Variants in CAMTA1 observed in about 807,000 individuals in gnomAD.
The protein encoded by CAMTA1 is calmodulin binding transcription activator 1.
A neutral mutation model predicts 170.9 loss-of-function variants in CAMTA1; 27 were observed. That is an observed-to-expected ratio of 0.16 (90% CI 0.12 to 0.22). CAMTA1 has a LOEUF of 0.22. Ranked by LOEUF, CAMTA1 falls within the 10% of genes least tolerant of loss-of-function variation. The probability of loss-of-function intolerance (pLI) is 1.00; values close to 1 mark genes in which losing one functional copy is unlikely to be tolerated. For missense variants in CAMTA1, 1,619 were observed against 2,217.2 expected (o/e 0.73, Z 5.42); for synonymous variants, 833 against 891.5 (o/e 0.93, Z 1.17).
chr1:6,990,834 T>G (rs927729337), intron 3 of CAMTA1, among the ~76,000 whole-genome samples: 3 of 151,470 alleles, frequency 2.0e-5, no homozygotes, highest in African/African-American at 7.3e-5. Flanking sequence ...TATATATATG[T>G]GTGTGTGTGT....
chr1:7,394,053 G>C (rs968481733), intron 5 of CAMTA1, among the ~76,000 whole-genome samples: 1 of 152,162 alleles, frequency 6.6e-6, no homozygotes, highest in African/African-American at 2.4e-5. Context: ...TGACTGAAGA[G>C]TATTCCATTG....
chr1:7,569,824 CATTATT>C (rs1253624154), intron 6 of CAMTA1, among the ~76,000 whole-genome samples: 1 of 152,092 alleles, frequency 6.6e-6, no homozygotes, highest in Non-Finnish European at 1.5e-5. Context: ...CAATCACCAT[CATTATT>C]ATTACTGTAC....
chr1:7,077,985 T>C (rs1448559841), intron 3 of CAMTA1, among the ~76,000 whole-genome samples: 2 of 145,554 alleles, frequency 1.4e-5, no homozygotes, highest in African/African-American at 5.2e-5. Flanking sequence ...GGGAAGAGCT[T>C]GCGTGCACAC....
chr1:7,476,452 G>A (rs574273657), intron 6 of CAMTA1, among the ~76,000 whole-genome samples: 15 of 152,296 alleles, frequency 9.8e-5, no homozygotes, highest in African/African-American at 3.6e-4. Flanking sequence ...GGAAGAAATG[G>A]GGAGGGGGTG....
intron 3 of CAMTA1, among the ~76,000 whole-genome samples, chr1:6,929,506 G>A (rs7354946): frequency 3.9e-5 from 6 of 152,216 alleles, no homozygotes; most frequent in African/African-American, 7.2e-5. Flanking sequence ...TGGGACTACA[G>A]GCGCCCGCCA....
intron 5 of CAMTA1, among the ~76,000 whole-genome samples, chr1:7,336,359 C>T (rs2083384242): frequency 6.6e-6 from 1 of 152,224 alleles, no homozygotes; most frequent in Admixed American, 6.5e-5. Flanking sequence ...GCCATGGATT[C>T]CTGGCTTGGA....
At chr1:6,848,488 T>G (rs996664856) in intron 3 of CAMTA1, among the ~76,000 whole-genome samples, 2 of 152,202 alleles carry the variant, frequency 1.3e-5, no homozygotes, top group Non-Finnish European at 2.9e-5. Flanking sequence ...ATGAGCAGAT[T>G]TTTATTTTAT....
chr1:7,195,145 C>A lies in CAMTA1; in HGVS notation c.303-54346C>A, dbSNP rs1016108871. On this transcript the variant is annotated intron_variant, in intron 4 of 22. Transcript: ENST00000303635. The surrounding 1 kb of genome is among the most constrained non-coding windows in gnomAD (Gnocchi z 4.1). ...CCAACTAACCCAGCCCAGCAGCAGG[C>A]GAGGTTTTCTGTCGTCCAGCACGTG... Among the ~76,000 whole-genome samples, 1 of 152,262 alleles carries A rather than the reference C, an allele frequency of 6.6e-6. No homozygotes were observed. The highest frequency in any genetic ancestry group is 2.4e-5 in the African/African-American group (1 of 41,564).
At chr1:7,303,385 C>T (rs1675084411) in intron 5 of CAMTA1, among the ~76,000 whole-genome samples, 1 of 151,920 alleles carries the variant, frequency 6.6e-6, no homozygotes, top group Admixed American at 6.6e-5. Context: ...ATAAAAAGTC[C>T]CCCCTAAATC....
Position 7,696,638 on chromosome 1 carries a change from G to A in CAMTA1, c.2914+18905G>A, listed in dbSNP as rs114519639. On this transcript the variant is annotated intron_variant, in intron 11 of 22. Coordinates refer to ENST00000303635, the MANE Select transcript of CAMTA1 (RefSeq NM_015215.4). The stretch of plus-strand genomic sequence containing the variant: ...GACTCTACTGGGCTGTAGGGTACAC[G>A]GCATCCTCTTTGAAGGCTCAGTGGG... 8.6e-3 allele frequency among the ~76,000 whole-genome samples: 1,314 copies of A among 152,066 alleles called. 18 individuals are homozygous for A. The highest frequency in any genetic ancestry group is 0.03 in the African/African-American group (1,232 of 41,432).
chr1:7,161,008 T>C (rs1354481460), intron 4 of CAMTA1, among the ~76,000 whole-genome samples: 1 of 152,210 alleles, frequency 6.6e-6, no homozygotes, highest in African/African-American at 2.4e-5. Flanking sequence ...CATGATCTCT[T>C]TCCTGTATTG....
chr1:7,255,067 C>T (rs906729040), intron 5 of CAMTA1, among the ~76,000 whole-genome samples: 2 of 152,132 alleles, frequency 1.3e-5, no homozygotes, highest in Admixed American at 1.3e-4. Flanking sequence ...TGTTCTCACT[C>T]ATAAGTGGGA....
intron 11 of CAMTA1, among the ~76,000 whole-genome samples, chr1:7,709,540 T>C (rs1259784976): frequency 6.6e-6 from 1 of 152,064 alleles, no homozygotes. Flanking sequence ...TGGATGTGAG[T>C]TTTCACTTAG....
chr1:7,482,963 AGG>A lies in CAMTA1; in HGVS notation c.510+15064_510+15065del, dbSNP rs2093561451. 6.6e-6 allele frequency among the ~76,000 whole-genome samples: 1 copy of A among 152,112 alleles called. No individual in the cohort carries two copies. Among genetic ancestry groups the A allele is most frequent in the African/African-American group, 2.4e-5 (1 of 41,426 alleles). On this transcript the variant is annotated intron_variant, in intron 6 of 22. Transcript: ENST00000303635. The surrounding 1 kb of genome is among the most constrained non-coding windows in gnomAD (Gnocchi z 4.2). The stretch of plus-strand genomic sequence containing the variant: ...CCCAGGCCCCACCCCATGTCATCCC[AGG>A]GTGAGCCTGGAGCCAGTGCCAGCCA...
intron 4 of CAMTA1, among the ~76,000 whole-genome samples, chr1:7,222,723 C>G (rs190499726): frequency 1.6e-3 from 250 of 152,370 alleles, no homozygotes; most frequent in Admixed American, 2.5e-3. Flanking sequence ...AACGGTCCCA[C>G]CTGATGGCAA....
chr1:7,622,492 T>C lies in CAMTA1; in HGVS notation c.511-17908T>C, dbSNP rs36084926. Among the ~76,000 whole-genome samples, 346 of 152,376 alleles carry C rather than the reference T, an allele frequency of 2.3e-3. 1 individual carries two copies. Among genetic ancestry groups the C allele is most frequent in the African/African-American group, 7.8e-3 (324 of 41,594 alleles). On this transcript the variant is annotated intron_variant, in intron 6 of 22. Transcript: ENST00000303635. ...CTATTGAAAACAGCTGACTTCATTA[T>C]AACCCATCATTGACTCCTTTCTTTA... is the stretch of plus-strand genomic sequence containing the variant.
Position 7,641,652 on chromosome 1 carries a change from G to A in CAMTA1, c.664+1099G>A, listed in dbSNP as rs1290850109. On this transcript the variant is annotated intron_variant, in intron 7 of 22. Coordinates refer to ENST00000303635, the MANE Select transcript of CAMTA1 (RefSeq NM_015215.4). The surrounding 1 kb of genome is among the most constrained non-coding windows in gnomAD (Gnocchi z 4.5). ...AGGGACAGAGGGGTCTGTGTGGCAAGGGAGGCCCCCCAGTGGGTGACAGCC... is the reference window on the plus strand; with the variant it reads ...AGGGACAGAGGGGTCTGTGTGGCAAAGGAGGCCCCCCAGTGGGTGACAGCC... Among the ~76,000 whole-genome samples the A allele has an allele frequency of 6.6e-6, 1 of 152,122 alleles. No homozygotes were observed. The highest frequency in any genetic ancestry group is 1.5e-5 in the Non-Finnish European group (1 of 68,000).
Position 7,430,414 on chromosome 1 carries a change from G to GGAT in CAMTA1, c.439-37405_439-37403dup, listed in dbSNP as rs558204006. ...AATCTGCTGCTGCTGCTCATCAGGA[G>GGAT]GATGATGATGATGGTGGAGGTGACA... On this transcript the variant is annotated intron_variant, in intron 5 of 22. Coordinates refer to ENST00000303635, the MANE Select transcript of CAMTA1 (RefSeq NM_015215.4). 1.6e-4 allele frequency among the ~76,000 whole-genome samples: 24 copies of GGAT among 150,936 alleles called. 1 individual carries two copies. In the South Asian group the frequency reaches 4.8e-3, roughly 30 times the overall value.
At chr1:7,089,464 T>C (rs1345067502) in intron 3 of CAMTA1, among the ~76,000 whole-genome samples, 1 of 152,140 alleles carries the variant, frequency 6.6e-6, no homozygotes, top group African/African-American at 2.4e-5. Context: ...CTATCTTCAG[T>C]GACACACACA....
Sources: allele counts gnomAD v4.1 joint callset (sites outside exome capture counted in the v4.1 genomes callset), GRCh38; gene constraint gnomAD v4.1.1; non-coding constraint Gnocchi (gnomAD v3.1); transcripts MANE v1.5; gene names NCBI Gene and HGNC (gene_info 2026-07-23, HGNC 2026-07-21).